The following MARCHF3 variants were observed in gnomAD, a reference collection of about 807,000 sequenced individuals.
The protein encoded by MARCHF3 is E3 ubiquitin-protein ligase MARCHF3.
In MARCHF3, 13 loss-of-function variants were observed where a neutral mutation model predicts 24.2. That is an observed-to-expected ratio of 0.54 (90% CI 0.35 to 0.85). The LOEUF is 0.85. Among genes scored for constraint, MARCHF3 ranks in the 40% least tolerant of loss-of-function variants. The probability of loss-of-function intolerance (pLI) is 0.01; values close to 1 mark genes in which losing one functional copy is unlikely to be tolerated. For missense variants in MARCHF3, 276 were observed against 325.0 expected (o/e 0.85, Z 1.16); for synonymous variants, 144 against 137.3 (o/e 1.05, Z -0.34).
intron 1 of MARCHF3, among the ~76,000 whole-genome samples, chr5:126,946,788 G>GTGTGTGTC (rs1750032047): frequency 6.6e-6 from 1 of 151,426 alleles, no homozygotes; most frequent in African/African-American, 2.4e-5. Flanking sequence ...GTGTGTGTGT[G>GTGTGTGTC]TGTGTGTGTC....
Position 126,914,952 on chromosome 5 carries a change from C to T in MARCHF3, c.371G>A (p.Arg124His), listed in dbSNP as rs138928705. Residue 124 changes from arginine (R) to histidine (H), a missense_variant, in exon 3 of 5, where the codon CGC becomes CAC. Coordinates refer to ENST00000308660, the MANE Select transcript of MARCHF3 (RefSeq NM_178450.5). ...ELCHFRFAVE[R>H]KPRPLVEWLR... ...GACCTCCACTAACGGCCTGGGTTTG[C>T]GCTCGACTGCAAACCTGAAGTGGCA... The T allele has an allele frequency of 1.9e-5, 30 of 1,614,008 alleles. No individual in the cohort carries two copies. Among genetic ancestry groups the T allele is most frequent in the South Asian group, 5.5e-5 (5 of 91,088 alleles).
intron 1 of MARCHF3, among the ~76,000 whole-genome samples, chr5:127,028,390 G>T (rs1019310777): frequency 6.6e-6 from 1 of 152,110 alleles, no homozygotes; most frequent in South Asian, 2.1e-4. Context: ...TTGTGATAAA[G>T]CCTTTTTATT....
rs10585434 is a variant in MARCHF3 at position 126,973,879 on chromosome 5, A to ATT, written c.-56-55654_-56-55653dup. 6.2e-3 allele frequency among the ~76,000 whole-genome samples: 511 copies of ATT among 82,982 alleles called. 39 individuals are homozygous for ATT. Among genetic ancestry groups the ATT allele is most frequent in the Non-Finnish European group, 9.0e-3 (413 of 45,846 alleles). The allele number at this position is 82,982 out of a possible 152,430, so 54.4% of individuals were successfully genotyped here. A position where few individuals can be genotyped will look rare whatever the true frequency, so the allele number is the denominator to read the frequency against. On this transcript the variant is annotated intron_variant, in intron 1 of 4. Transcript: ENST00000308660. Reference sequence around the variant, plus strand: ...CTATCCAGAATATTAAGCAAAATCTATTTTTTTTTTTTTTTTTTTTTTTTT... The same window carrying ATT: ...CTATCCAGAATATTAAGCAAAATCTATTTTTTTTTTTTTTTTTTTTTTTTTTT...
intron 1 of MARCHF3, among the ~76,000 whole-genome samples, chr5:126,962,628 T>C (rs1185958939): frequency 2.0e-5 from 3 of 152,068 alleles, no homozygotes; most frequent in East Asian, 3.8e-4. Context: ...ATTTAAAATA[T>C]TATATGAAGT....
chr5:126,898,776 G>T, intron 3 of MARCHF3: 1 of 798,800 alleles, frequency 1.3e-6, no homozygotes, highest in Non-Finnish European at 1.5e-6. Flanking sequence ...TTCCCTCGGA[G>T]CCCTAAAAGA....
At chr5:126,926,797 G>A (rs1254435507) in intron 1 of MARCHF3, among the ~76,000 whole-genome samples, 2 of 151,800 alleles carry the variant, frequency 1.3e-5, no homozygotes, top group Non-Finnish European at 2.9e-5. Context: ...ACCTGAGGTA[G>A]GTGTGGGCCT....
intron 1 of MARCHF3, 92 bp from the exon 2 acceptor site, chr5:126,918,319 T>A (rs1274317804): frequency 1.0e-5 from 8 of 783,018 alleles, no homozygotes; most frequent in South Asian, 9.4e-5. Flanking sequence ...ATGTCATTAT[T>A]TAATACAAAT....
intron 4 of MARCHF3, among the ~76,000 whole-genome samples, chr5:126,874,461 C>T (rs1224728152): frequency 6.6e-6 from 1 of 152,118 alleles, no homozygotes; most frequent in Non-Finnish European, 1.5e-5. Flanking sequence ...TGGCACATGC[C>T]TGTAATCCCA....
At chr5:126,971,177 C>T (rs544106335) in intron 1 of MARCHF3, among the ~76,000 whole-genome samples, 4 of 152,088 alleles carry the variant, frequency 2.6e-5, no homozygotes, top group Admixed American at 6.5e-5. Flanking sequence ...GGCTAGGGCG[C>T]GGTGGCACAC....
chr5:127,026,521 T>G (rs1482215862), intron 1 of MARCHF3, among the ~76,000 whole-genome samples: 2 of 152,186 alleles, frequency 1.3e-5, no homozygotes, highest in South Asian at 2.1e-4. Flanking sequence ...GTTAACTTTA[T>G]AAAGAAAACT....
At chr5:126,919,016 A>T (rs1167917514) in intron 1 of MARCHF3, among the ~76,000 whole-genome samples, 2 of 152,220 alleles carry the variant, frequency 1.3e-5, no homozygotes, top group Non-Finnish European at 2.9e-5. Context: ...CATCATAGGG[A>T]AACACATAGG....
intron 1 of MARCHF3, among the ~76,000 whole-genome samples, chr5:126,928,131 T>C (rs1313508352): frequency 6.6e-6 from 1 of 152,202 alleles, no homozygotes; most frequent in Admixed American, 6.5e-5. Flanking sequence ...ATAACACTTA[T>C]GCCCCCACGG....
At chr5:126,901,805 G>A (rs1036278669) in intron 3 of MARCHF3, among the ~76,000 whole-genome samples, 3 of 152,056 alleles carry the variant, frequency 2.0e-5, no homozygotes, top group African/African-American at 7.2e-5. Context: ...GGCAATTCCT[G>A]AGAGTTAATT....
chr5:126,902,817 G>A (rs538033559), intron 3 of MARCHF3, among the ~76,000 whole-genome samples: 1 of 152,210 alleles, frequency 6.6e-6, no homozygotes, highest in South Asian at 2.1e-4. Context: ...ATCAAGGATT[G>A]TTGGGGTGTG....
intron 3 of MARCHF3, among the ~76,000 whole-genome samples, chr5:126,903,457 G>A (rs1364743466): frequency 6.6e-6 from 1 of 152,100 alleles, no homozygotes; most frequent in African/African-American, 2.4e-5. Flanking sequence ...TTCATATAAA[G>A]AATGGAGTGG....
intron 3 of MARCHF3, among the ~76,000 whole-genome samples, chr5:126,894,822 C>T (rs982862270): frequency 2.6e-4 from 40 of 151,836 alleles, no homozygotes; most frequent in East Asian, 1.4e-3. Context: ...ATCTTTGTGG[C>T]GTTCTCTGTA....
intron 1 of MARCHF3, among the ~76,000 whole-genome samples, chr5:126,928,468 G>A (rs958738901): frequency 7.9e-5 from 12 of 152,154 alleles, no homozygotes; most frequent in African/African-American, 2.9e-4. Flanking sequence ...TTTAAGTAAA[G>A]GAGATTGTCA....
chr5:126,886,749 T>C (rs1452882642), intron 3 of MARCHF3, among the ~76,000 whole-genome samples: 2 of 152,122 alleles, frequency 1.3e-5, no homozygotes, highest in Non-Finnish European at 2.9e-5. Flanking sequence ...GAACACGAGA[T>C]TCACCATCCA....
intron 1 of MARCHF3, among the ~76,000 whole-genome samples, chr5:126,958,569 C>A (rs902778145): frequency 6.6e-6 from 1 of 152,124 alleles, no homozygotes; most frequent in Non-Finnish European, 1.5e-5. Flanking sequence ...CTGCTCATCA[C>A]TGCCTTTAAA....
Sources: allele counts gnomAD v4.1 joint callset (sites outside exome capture counted in the v4.1 genomes callset), GRCh38; gene constraint gnomAD v4.1.1; transcripts MANE v1.5; gene names NCBI Gene and HGNC (gene_info 2026-07-23, HGNC 2026-07-21).